ZMAT4: variants seen among roughly 807,000 people sequenced by gnomAD.
The protein encoded by ZMAT4 is zinc finger matrin-type protein 4.
A neutral mutation model predicts 28.7 loss-of-function variants in ZMAT4; 17 were observed. That is an observed-to-expected ratio of 0.59 (90% CI 0.41 to 0.89). ZMAT4 has a LOEUF of 0.89. Ranked by LOEUF, ZMAT4 falls within the 40% of genes least tolerant of loss-of-function variation. The pLI is 0.00. For synonymous variants in ZMAT4, 117 were observed against 109.2 expected (o/e 1.07, Z -0.44); for missense variants, 240 against 283.8 (o/e 0.85, Z 1.11).
At chr8:40,560,768 A>T (rs73620694) in intron 6 of ZMAT4, among the ~76,000 whole-genome samples, 6,474 of 152,058 alleles carry the variant, frequency 0.043, 453 homozygotes, top group African/African-American at 0.15. Context: ...AGTTTTACCT[A>T]GAAATGCCCC....
At chr8:40,856,282 A>G (rs529546696) in intron 1 of ZMAT4, among the ~76,000 whole-genome samples, 1 of 152,240 alleles carries the variant, frequency 6.6e-6, no homozygotes, top group African/African-American at 2.4e-5. Flanking sequence ...GTGCACTGCT[A>G]GATTTGGTGT....
intron 5 of ZMAT4, among the ~76,000 whole-genome samples, chr8:40,651,433 C>A (rs1052455367): frequency 9.9e-4 from 150 of 151,598 alleles, no homozygotes; most frequent in African/African-American, 3.3e-3. Flanking sequence ...AAAGAGGATA[C>A]AAACAAATGG....
chr8:40,581,278 G>A lies in ZMAT4; in HGVS notation c.578-17C>T, dbSNP rs758225161. On this transcript the variant is annotated splice_polypyrimidine_tract_variant and intron_variant, in intron 5 of 6. Transcript: ENST00000297737. The stretch of plus-strand genomic sequence containing the variant: ...GCCTCAGACCTGTGGACAACAGACA[G>A]ACCTGGTTAGCTGCATCCAGTCGTC... 5.6e-6 allele frequency: 9 copies of A among 1,607,840 alleles called. No individual in the cohort carries two copies. The highest frequency in any genetic ancestry group is 3.3e-4 in the Middle Eastern group (2 of 6,064).
At chr8:40,567,367 G>A (rs1267396534) in intron 6 of ZMAT4, among the ~76,000 whole-genome samples, 2 of 152,088 alleles carry the variant, frequency 1.3e-5, no homozygotes, top group Non-Finnish European at 2.9e-5. Context: ...TATTCTGAAT[G>A]AGGTATAGAT....
chr8:40,766,283 T>C (rs1813156735), intron 3 of ZMAT4, among the ~76,000 whole-genome samples: 1 of 152,234 alleles, frequency 6.6e-6, no homozygotes, highest in Non-Finnish European at 1.5e-5. Context: ...CATACTACAT[T>C]ATGAATTTCT....
At chr8:40,895,352 C>A (rs1818831994) in intron 1 of ZMAT4, among the ~76,000 whole-genome samples, 2 of 152,288 alleles carry the variant, frequency 1.3e-5, no homozygotes, top group East Asian at 3.9e-4. Context: ...AGCCTAACAC[C>A]AGCAATTAGA....
At chr8:40,785,822 C>G (rs1814048609) in intron 2 of ZMAT4, among the ~76,000 whole-genome samples, 1 of 152,158 alleles carries the variant, frequency 6.6e-6, no homozygotes, top group Non-Finnish European at 1.5e-5. Context: ...TAACCCTTTC[C>G]CTCCCACCAT....
At chr8:40,714,919 C>T (rs1218399608) in intron 3 of ZMAT4, among the ~76,000 whole-genome samples, 1 of 151,626 alleles carries the variant, frequency 6.6e-6, no homozygotes, top group Non-Finnish European at 1.5e-5. Flanking sequence ...CGTGGTGGCA[C>T]GCACCTGCAA....
intron 1 of ZMAT4, among the ~76,000 whole-genome samples, chr8:40,883,520 C>T (rs1472023777): frequency 1.3e-5 from 2 of 152,076 alleles, no homozygotes; most frequent in Non-Finnish European, 2.9e-5. Context: ...TTCTGAGATC[C>T]ACCCTCCCAT....
chr8:40,572,214 C>CAA (rs1368011842), intron 6 of ZMAT4, among the ~76,000 whole-genome samples: 3 of 152,018 alleles, frequency 2.0e-5, no homozygotes, highest in Non-Finnish European at 4.4e-5. Context: ...ATATTGAAAA[C>CAA]AAAGATACTC....
At chr8:40,544,373 G>C (rs1044996928) in intron 6 of ZMAT4, among the ~76,000 whole-genome samples, 2 of 152,108 alleles carry the variant, frequency 1.3e-5, no homozygotes, top group African/African-American at 4.8e-5. Context: ...TATAGCCACA[G>C]GTAAGACTAC....
intron 4 of ZMAT4, among the ~76,000 whole-genome samples, chr8:40,696,830 A>G (rs767003371): frequency 3.6e-4 from 55 of 152,204 alleles, no homozygotes; most frequent in Non-Finnish European, 1.3e-4. Context: ...AAGGTAAAAA[A>G]AAGGATGATG....
intron 4 of ZMAT4, among the ~76,000 whole-genome samples, chr8:40,687,374 C>A (rs548226847): frequency 2.0e-5 from 3 of 151,930 alleles, no homozygotes; most frequent in African/African-American, 7.3e-5. Context: ...CCGGGGAGGG[C>A]GGTTCTGGGA....
chr8:40,672,085 G>C (rs1307557290), intron 5 of ZMAT4, among the ~76,000 whole-genome samples: 1 of 152,022 alleles, frequency 6.6e-6, no homozygotes, highest in South Asian at 2.1e-4. Context: ...AGTAAGTAGA[G>C]AGAAAGAAAA....
At chr8:40,627,424 A>G (rs1225746240) in intron 5 of ZMAT4, among the ~76,000 whole-genome samples, 1 of 152,212 alleles carries the variant, frequency 6.6e-6, no homozygotes, top group Non-Finnish European at 1.5e-5. Context: ...GTGTATATAC[A>G]TATATGTGTT....
chr8:40,545,458 T>G (rs1318109040), intron 6 of ZMAT4, among the ~76,000 whole-genome samples: 1 of 152,188 alleles, frequency 6.6e-6, no homozygotes, highest in Non-Finnish European at 1.5e-5. Flanking sequence ...GTCCTAACAC[T>G]CAGTGTCTCA....
At chr8:40,572,034 T>C (rs941923229) in intron 6 of ZMAT4, among the ~76,000 whole-genome samples, 3 of 152,186 alleles carry the variant, frequency 2.0e-5, no homozygotes, top group African/African-American at 4.8e-5. Flanking sequence ...TATGATTTGT[T>C]TGATTGTTTT....
chr8:40,701,506 A>ATTTTTT (rs58912869), intron 3 of ZMAT4, among the ~76,000 whole-genome samples: 1 of 73,936 alleles, frequency 1.4e-5, no homozygotes, highest in Non-Finnish European at 2.5e-5. Flanking sequence ...ACTATGCAGA[A>ATTTTTT]TTTTTTTTTT....
intron 2 of ZMAT4, among the ~76,000 whole-genome samples, chr8:40,806,520 AT>A (rs1457206747): frequency 6.6e-6 from 1 of 152,106 alleles, no homozygotes; most frequent in Non-Finnish European, 1.5e-5. Flanking sequence ...AAACAACCAC[AT>A]TTCGTTTTTA....
Sources: gnomAD v4.1 joint callset for allele counts (sites outside exome capture counted in the v4.1 genomes callset) on GRCh38, gnomAD v4.1.1 for gene constraint, MANE v1.5 for transcripts, NCBI Gene and HGNC (gene_info 2026-07-23, HGNC 2026-07-21) for gene names.